Variants in NTNG1 observed in about 807,000 individuals in gnomAD.
NTNG1 encodes netrin-G1.
Under a neutral mutation model 54.0 loss-of-function variants are expected in NTNG1, and 16 were observed. The ratio of observed to expected loss-of-function variants is 0.30; its 90% CI spans 0.20 to 0.45. The LOEUF is 0.45. Among genes scored for constraint, NTNG1 ranks in the 20% least tolerant of loss-of-function variants. The pLI is 1.00. For missense variants in NTNG1, 530 were observed against 678.7 expected, an observed-to-expected ratio of 0.78 and a Z score of 2.43; for synonymous variants, 255 against 263.1, an observed-to-expected ratio of 0.97 and a Z score of 0.30.
chr1:107,183,239 C>T (rs945803768), intron 2 of NTNG1, among the ~76,000 whole-genome samples: 5 of 152,104 alleles, frequency 3.3e-5, no homozygotes, highest in Admixed American at 3.3e-4. Context: ...AAAACAGCTA[C>T]TTCTCTTCTT....
At chr1:107,155,702 T>C (rs1476006301) in intron 2 of NTNG1, among the ~76,000 whole-genome samples, 1 of 152,194 alleles carries the variant, frequency 6.6e-6, no homozygotes, top group African/African-American at 2.4e-5. Context: ...TATTATATTG[T>C]TTTTTATTCC....
intron 2 of NTNG1, among the ~76,000 whole-genome samples, chr1:107,322,220 A>C (rs7544513): frequency 6.6e-6 from 1 of 152,054 alleles, no homozygotes; most frequent in Non-Finnish European, 1.5e-5. Context: ...ACCTGTGCTG[A>C]AGGCAAACAA....
At chr1:107,340,164 T>C (rs1201802731) in intron 3 of NTNG1, among the ~76,000 whole-genome samples, 1 of 152,092 alleles carries the variant, frequency 6.6e-6, no homozygotes, top group African/African-American at 2.4e-5. Context: ...AAATGGTTGA[T>C]TATCTAATGG....
intron 3 of NTNG1, among the ~76,000 whole-genome samples, chr1:107,346,885 A>AAT (rs1669275787): frequency 1.4e-4 from 1 of 6,938 alleles, no homozygotes; most frequent in South Asian, 8.8e-3. Flanking sequence ...TTTCTATCCT[A>AAT]AAAAAAAAAA....
At chr1:107,310,407 C>G (rs1666935781) in intron 2 of NTNG1, among the ~76,000 whole-genome samples, 1 of 152,122 alleles carries the variant, frequency 6.6e-6, no homozygotes, top group Admixed American at 6.6e-5. Context: ...CCTACAACAT[C>G]TAACATAGTG....
chr1:107,143,441 C>T (rs985866023), intron 1 of NTNG1: 4 of 151,910 alleles, frequency 2.6e-5, no homozygotes, highest in African/African-American at 7.3e-5. Context: ...AAAGTTAAAC[C>T]ATTACACATT....
intron 2 of NTNG1, among the ~76,000 whole-genome samples, chr1:107,170,191 G>A (rs1656115557): frequency 1.3e-5 from 2 of 151,992 alleles, no homozygotes; most frequent in African/African-American, 4.8e-5. Context: ...CTACTTTTTA[G>A]GAATACTAAG....
In NTNG1 at chr1:107,193,933, A is replaced by G. The variant is rs1658139593; in HGVS notation, c.246+45094A>G. On this transcript the variant is annotated intron_variant, in intron 2 of 7. Coordinates refer to ENST00000370068, the MANE Select transcript of NTNG1 (RefSeq NM_001113226.3). The stretch of plus-strand genomic sequence containing the variant: ...AATGTTTCAAAGTCTCCATCTTGCC[A>G]TCCTAATCAAATCCAGACTCCTTAA... Among the ~76,000 whole-genome samples, 4 of 151,810 alleles carry G rather than the reference A, an allele frequency of 2.6e-5. No individual in the cohort carries two copies. In the South Asian group the frequency reaches 8.3e-4, roughly 32 times the overall value.
chr1:107,191,908 C>T (rs1216969915), intron 2 of NTNG1, among the ~76,000 whole-genome samples: 9 of 151,980 alleles, frequency 5.9e-5, no homozygotes, highest in South Asian at 2.1e-4. Flanking sequence ...CTTGGCGATG[C>T]GGGCTCTATT....
intron 3 of NTNG1, among the ~76,000 whole-genome samples, chr1:107,377,649 T>A (rs1671379724): frequency 6.6e-6 from 1 of 152,236 alleles, no homozygotes; most frequent in Non-Finnish European, 1.5e-5. Context: ...ACCACACTCC[T>A]CCTTGTGCCC....
intron 3 of NTNG1, among the ~76,000 whole-genome samples, chr1:107,357,296 C>T (rs1318028127): frequency 6.6e-6 from 1 of 151,826 alleles, no homozygotes; most frequent in Non-Finnish European, 1.5e-5. Flanking sequence ...AAAAAAAATT[C>T]CTAAATTTAT....
chr1:107,343,608 G>T lies in NTNG1; in HGVS notation c.887+18686G>T, dbSNP rs185052340. ...TCGCCTGCAGAAGAAAAGGCTGCAGGAGAGCTCATTAGCCCAGCAGACGCT... is the reference window on the plus strand; with the variant it reads ...TCGCCTGCAGAAGAAAAGGCTGCAGTAGAGCTCATTAGCCCAGCAGACGCT... On this transcript the variant is annotated intron_variant, in intron 3 of 7. Transcript: ENST00000370068. 3.6e-4 allele frequency among the ~76,000 whole-genome samples: 55 copies of T among 152,020 alleles called. No homozygotes were observed. In the East Asian group the frequency reaches 7.9e-3, roughly 22 times the overall value.
At chr1:107,205,625 T>A (rs896110265) in intron 2 of NTNG1, among the ~76,000 whole-genome samples, 4 of 151,618 alleles carry the variant, frequency 2.6e-5, no homozygotes, top group African/African-American at 9.7e-5. Flanking sequence ...AGACTTTTTT[T>A]TTAAAAAAAA....
At chr1:107,356,141 T>C (rs935889370) in intron 3 of NTNG1, among the ~76,000 whole-genome samples, 10 of 152,194 alleles carry the variant, frequency 6.6e-5, no homozygotes, top group African/African-American at 2.2e-4. Flanking sequence ...TATCCAGTGA[T>C]TATGCACATC....
intron 1 of NTNG1, among the ~76,000 whole-genome samples, chr1:107,145,069 C>T (rs1227418907): frequency 6.6e-6 from 1 of 151,994 alleles, no homozygotes; most frequent in Admixed American, 6.6e-5. Context: ...TATATTAAGT[C>T]CCCAAATATG....
At chr1:107,274,226 G>C (rs1166765958) in intron 2 of NTNG1, among the ~76,000 whole-genome samples, 5 of 152,090 alleles carry the variant, frequency 3.3e-5, no homozygotes, top group Admixed American at 6.5e-5. Context: ...GGCCCATTCT[G>C]GGAAAAAAAG....
chr1:107,200,961 A>G (rs1658711832), intron 2 of NTNG1, among the ~76,000 whole-genome samples: 1 of 151,794 alleles, frequency 6.6e-6, no homozygotes, highest in South Asian at 2.1e-4. Context: ...TCTTATACTG[A>G]ACATTTACTG....
At chr1:107,207,472 G>A (rs893214407) in intron 2 of NTNG1, among the ~76,000 whole-genome samples, 1 of 152,180 alleles carries the variant, frequency 6.6e-6, no homozygotes, top group African/African-American at 2.4e-5. Flanking sequence ...CTTAGTGAGA[G>A]ATCCCATTGT....
intron 5 of NTNG1, among the ~76,000 whole-genome samples, chr1:107,423,310 A>C (rs1674688269): frequency 6.6e-6 from 1 of 152,010 alleles, no homozygotes; most frequent in East Asian, 1.9e-4. Context: ...CAATGTCTGG[A>C]GAAATTTTTG....
Sources: allele counts gnomAD v4.1 joint callset (sites outside exome capture counted in the v4.1 genomes callset), GRCh38; gene constraint gnomAD v4.1.1; transcripts MANE v1.5; gene names NCBI Gene and HGNC (gene_info 2026-07-23, HGNC 2026-07-21).